Variants in INSR observed in about 807,000 individuals in gnomAD.
INSR encodes the protein IR.
INSR carries 67 observed loss-of-function variants against 142.6 expected under a neutral mutation model. The ratio of observed to expected loss-of-function variants is 0.47; its 90% CI spans 0.39 to 0.58. The LOEUF (loss-of-function observed/expected upper bound fraction) is 0.58, where lower values mean the gene tolerates loss of function less well. INSR is among the 20% of genes least tolerant of loss of function. INSR has a pLI of 0.00. For missense variants in INSR, 1,248 were observed against 1,833.2 expected (o/e 0.68, Z 5.83); for synonymous variants, 756 against 743.1 (o/e 1.02, Z -0.28).
chr19:7,179,002 C>T (rs1294371219), intron 3 of INSR, among the ~76,000 whole-genome samples: 2 of 152,216 alleles, frequency 1.3e-5, no homozygotes, highest in African/African-American at 4.8e-5. Context: ...CCTCGAACTC[C>T]TGGGCTCAAG....
At chr19:7,250,470 G>GA (rs1568218093) in intron 2 of INSR, among the ~76,000 whole-genome samples, 1 of 82,908 alleles carries the variant, frequency 1.2e-5, no homozygotes, top group African/African-American at 3.3e-5. Context: ...AGAAAAGAAA[G>GA]AAAGAAAAGA....
intron 2 of INSR, among the ~76,000 whole-genome samples, chr19:7,201,667 C>CTTT (rs570519539): frequency 3.9e-5 from 5 of 127,886 alleles, no homozygotes; most frequent in African/African-American, 1.2e-4. Flanking sequence ...TATTTTCATT[C>CTTT]TTTTTTTTTT....
chr19:7,249,882 C>T (rs574646712), intron 2 of INSR, among the ~76,000 whole-genome samples: 1 of 152,130 alleles, frequency 6.6e-6, no homozygotes, highest in South Asian at 2.1e-4. Context: ...GTCCCAGCTA[C>T]TCAGGAGGCT....
chr19:7,201,786 C>T (rs1012182901), intron 2 of INSR, among the ~76,000 whole-genome samples: 2 of 115,534 alleles, frequency 1.7e-5, no homozygotes, highest in Non-Finnish European at 3.6e-5. Flanking sequence ...CCTCAGCCTC[C>T]CAAGTAGCTG....
intron 1 of INSR, among the ~76,000 whole-genome samples, chr19:7,276,062 A>C (rs1231146086): frequency 6.6e-6 from 1 of 152,088 alleles, no homozygotes; most frequent in Non-Finnish European, 1.5e-5. Flanking sequence ...CAGAGAAAGA[A>C]CTTTCTAGAA....
intron 3 of INSR, among the ~76,000 whole-genome samples, chr19:7,177,993 C>T (rs996088962): frequency 1.2e-4 from 19 of 152,128 alleles, no homozygotes; most frequent in Middle Eastern, 3.4e-3. Flanking sequence ...AAAAGCACTT[C>T]GCACACAGAA....
intron 2 of INSR, among the ~76,000 whole-genome samples, chr19:7,237,378 G>T (rs62112783): frequency 0.16 from 24,809 of 151,416 alleles, 2,119 homozygotes; most frequent in South Asian, 0.28. Flanking sequence ...TTAGCCGGGC[G>T]TGGTGGCAGG....
chr19:7,238,685 T>G (rs945070288), intron 2 of INSR, among the ~76,000 whole-genome samples: 2 of 147,456 alleles, frequency 1.4e-5, no homozygotes, highest in Non-Finnish European at 3.0e-5. Context: ...ATGAGTCTCA[T>G]CTCTCGTCTC....
intron 2 of INSR, among the ~76,000 whole-genome samples, chr19:7,193,944 C>T (rs549369549): frequency 8.3e-6 from 1 of 119,948 alleles, no homozygotes; most frequent in South Asian, 2.8e-4. Context: ...TCAAGAGATC[C>T]GCTCTCCCCG....
chr19:7,202,116 C>T (rs1159285684), intron 2 of INSR, among the ~76,000 whole-genome samples: 1 of 152,176 alleles, frequency 6.6e-6, no homozygotes, highest in African/African-American at 2.4e-5. Context: ...TCAGTAGTCA[C>T]TAACCATACA....
chr19:7,288,207 A>AAT (rs1326806464), intron 1 of INSR, among the ~76,000 whole-genome samples: 12 of 152,122 alleles, frequency 7.9e-5, no homozygotes, highest in African/African-American at 2.9e-4. Flanking sequence ...AAAAAAAAAA[A>AAT]AAGTTTTAAT....
rs1452326518 is a variant in INSR, at chr19:7,166,251, C to T, written c.1764G>A (p.Gln588=). ...WLMRGLKPWT[Q]YAIFVKTLVT... ...CCAGGGTCTTCACAAAGATGGCATACTGGGTCCAGGGCTTGAGACCCCGCA... is the reference window on the plus strand; with the variant it reads ...CCAGGGTCTTCACAAAGATGGCATATTGGGTCCAGGGCTTGAGACCCCGCA... Residue 588 remains glutamine (Q), a synonymous_variant, in exon 8 of 22, where the codon CAG becomes CAA. Coordinates refer to ENST00000302850, the MANE Select transcript of INSR (RefSeq NM_000208.4). The surrounding 1 kb of genome is among the most constrained non-coding windows in gnomAD (Gnocchi z 4.1). 2 of 1,614,172 alleles carry T rather than the reference C, an allele frequency of 1.2e-6. No individual in the cohort carries two copies.
At chr19:7,249,996 A>AAAAAT (rs1555686913) in intron 2 of INSR, among the ~76,000 whole-genome samples, 3 of 151,766 alleles carry the variant, frequency 2.0e-5, no homozygotes, top group Non-Finnish European at 2.9e-5. Context: ...TGTCTCAAAA[A>AAAAAT]AAAATAAAAT....
intron 1 of INSR, among the ~76,000 whole-genome samples, chr19:7,282,406 G>A (rs1182147300): frequency 1.3e-5 from 2 of 151,704 alleles, no homozygotes; most frequent in African/African-American, 4.8e-5. Flanking sequence ...AAGCCAGCTG[G>A]ACAAGGTGGC....
intron 13 of INSR, among the ~76,000 whole-genome samples, chr19:7,140,444 T>C (rs55769023): frequency 0.074 from 11,199 of 152,272 alleles, 593 homozygotes; most frequent in African/African-American, 0.14. Context: ...AGAAATCATC[T>C]GGCCACGGAG....
chr19:7,248,204 G>A (rs1329918784), intron 2 of INSR, among the ~76,000 whole-genome samples: 3 of 150,888 alleles, frequency 2.0e-5, no homozygotes, highest in African/African-American at 7.3e-5. Context: ...GGAGTGCAGT[G>A]GCATGATCTT....
intron 2 of INSR, among the ~76,000 whole-genome samples, chr19:7,201,421 T>C (rs1974948167): frequency 6.6e-6 from 1 of 151,972 alleles, no homozygotes; most frequent in Non-Finnish European, 1.5e-5. Context: ...AGTCAGGAGT[T>C]CAAGACCAGC....
At chr19:7,130,987 T>G (rs1373928224) in intron 14 of INSR, among the ~76,000 whole-genome samples, 1 of 149,936 alleles carries the variant, frequency 6.7e-6, no homozygotes, top group Non-Finnish European at 1.5e-5. Flanking sequence ...CAAGTGATTC[T>G]CCTGCCTCAG....
chr19:7,221,885 G>T (rs906784768), intron 2 of INSR, among the ~76,000 whole-genome samples: 1 of 151,758 alleles, frequency 6.6e-6, no homozygotes, highest in South Asian at 2.1e-4. Flanking sequence ...ATCTGGCAGG[G>T]CTGTTGTCGG....
Sources: allele counts gnomAD v4.1 joint callset (sites outside exome capture counted in the v4.1 genomes callset), GRCh38; gene constraint gnomAD v4.1.1; non-coding constraint Gnocchi (gnomAD v3.1); transcripts MANE v1.5; gene names NCBI Gene and HGNC (gene_info 2026-07-23, HGNC 2026-07-21).